KCNT2: variants seen among roughly 807,000 people sequenced by gnomAD.
KCNT2 encodes potassium sodium-activated channel subfamily T member 2.
KCNT2 carries 67 observed loss-of-function variants against 153.8 expected under a neutral mutation model. That is an observed-to-expected ratio of 0.44 (90% CI 0.36 to 0.53). The LOEUF is 0.53. Ranked by LOEUF, KCNT2 falls within the 20% of genes least tolerant of loss-of-function variation. The pLI is 0.00. For missense variants in KCNT2, 975 were observed against 1,354.8 expected (o/e 0.72, Z 4.40); for synonymous variants, 500 against 458.8 (o/e 1.09, Z -1.15).
intron 1 of KCNT2, among the ~76,000 whole-genome samples, chr1:196,492,880 A>G (rs1026800536): frequency 6.6e-6 from 1 of 152,168 alleles, no homozygotes; most frequent in African/African-American, 2.4e-5. Flanking sequence ...GTAACACTTT[A>G]CCTTCCTACT....
intron 13 of KCNT2, among the ~76,000 whole-genome samples, chr1:196,398,211 T>C (rs1018863489): frequency 2.6e-5 from 4 of 151,478 alleles, no homozygotes; most frequent in Non-Finnish European, 5.9e-5. Context: ...ATATCACCCA[T>C]CTATGTGTAA....
At chr1:196,351,080 A>G (rs979197649) in intron 14 of KCNT2, among the ~76,000 whole-genome samples, 1 of 152,178 alleles carries the variant, frequency 6.6e-6, no homozygotes, top group Non-Finnish European at 1.5e-5. Flanking sequence ...TTTTGGTACC[A>G]GTATCATGCT....
intron 4 of KCNT2, among the ~76,000 whole-genome samples, chr1:196,479,586 T>G (rs1284155900): frequency 6.6e-6 from 1 of 152,192 alleles, no homozygotes; most frequent in Non-Finnish European, 1.5e-5. Context: ...TTAAAATTTT[T>G]TTTAAATAGA....
intron 1 of KCNT2, among the ~76,000 whole-genome samples, chr1:196,586,626 C>G (rs768098765): frequency 1.1e-4 from 16 of 151,850 alleles, no homozygotes; most frequent in Non-Finnish European, 2.1e-4. Flanking sequence ...ACATTTTCTA[C>G]TATGAAACAT....
At chr1:196,486,879 A>C (rs749721868) in intron 3 of KCNT2, among the ~76,000 whole-genome samples, 1 of 151,956 alleles carries the variant, frequency 6.6e-6, no homozygotes, top group Non-Finnish European at 1.5e-5. Flanking sequence ...ACACATCCAA[A>C]AACTAGGTGA....
intron 1 of KCNT2, among the ~76,000 whole-genome samples, chr1:196,594,685 G>A (rs1421006152): frequency 2.0e-5 from 3 of 152,178 alleles, no homozygotes; most frequent in Non-Finnish European, 1.5e-5. Context: ...ATTTCAAAAT[G>A]TCATTAATAA....
chr1:196,279,610 A>G (rs1465089428), intron 25 of KCNT2, among the ~76,000 whole-genome samples: 1 of 148,152 alleles, frequency 6.7e-6, no homozygotes, highest in Admixed American at 6.7e-5. Context: ...TTTTTTTTTT[A>G]GTAGAAATGG....
At chr1:196,264,407 T>C (rs1446537471) in intron 25 of KCNT2, among the ~76,000 whole-genome samples, 1 of 152,106 alleles carries the variant, frequency 6.6e-6, no homozygotes, top group African/African-American at 2.4e-5. Context: ...ATTACTTATT[T>C]AGAAATTTAA....
At chr1:196,509,659 GA>G (rs1190605930) in intron 1 of KCNT2, among the ~76,000 whole-genome samples, 1 of 152,156 alleles carries the variant, frequency 6.6e-6, no homozygotes, top group African/African-American at 2.4e-5. Flanking sequence ...TAGCAGTCCA[GA>G]GTTAGACTTC....
At position 196,430,396 on chromosome 1, in the gene KCNT2, CTCTCTCTCTCTT is replaced by C. The variant is rs1197814669; in HGVS notation, c.639-651_639-640del. ...AAGATCGATCTCTCTCTCTCTCTCT[CTCTCTCTCTCTT>C]TCTCTCTCTCTTTCTCTCTCTCTTT... On this transcript the variant is annotated intron_variant, in intron 8 of 27. Transcript: ENST00000294725. 2.0e-3 allele frequency among the ~76,000 whole-genome samples: 296 copies of C among 148,284 alleles called. 1 individual carries two copies. Among genetic ancestry groups the C allele is most frequent in the African/African-American group, 6.4e-3 (247 of 38,868 alleles).
Position 196,308,907 on chromosome 1 carries a change from T to C in KCNT2, c.2484-3562A>G, listed in dbSNP as rs1165565032. Among the ~76,000 whole-genome samples, 3 of 152,048 alleles carry C rather than the reference T, an allele frequency of 2.0e-5. No homozygotes were observed. In the East Asian group the frequency reaches 5.8e-4, roughly 29 times the overall value. On this transcript the variant is annotated intron_variant, in intron 21 of 27. Transcript: ENST00000294725. ...TAACGTTTTATAAATTACTTCAATT[T>C]AGCCTTAATGAATAATTATCAAGTT... is the stretch of plus-strand genomic sequence containing the variant.
chr1:196,376,449 C>G (rs1015231740), intron 13 of KCNT2, among the ~76,000 whole-genome samples: 1 of 151,848 alleles, frequency 6.6e-6, no homozygotes, highest in Non-Finnish European at 1.5e-5. Context: ...AGTGCAGGAA[C>G]TACCACCAAA....
chr1:196,335,518 A>T (rs1349845296), intron 16 of KCNT2, among the ~76,000 whole-genome samples: 1 of 152,172 alleles, frequency 6.6e-6, no homozygotes, highest in Non-Finnish European at 1.5e-5. Flanking sequence ...CAATATAGAA[A>T]ACATACAGTA....
At chr1:196,600,877 A>G (rs2149030019) in intron 1 of KCNT2, among the ~76,000 whole-genome samples, 1 of 152,264 alleles carries the variant, frequency 6.6e-6, no homozygotes, top group Non-Finnish European at 1.5e-5. Flanking sequence ...ATGAGAAGGG[A>G]CTTAAAGTCC....
intron 1 of KCNT2, among the ~76,000 whole-genome samples, chr1:196,604,704 A>G (rs1389214507): frequency 1.3e-5 from 2 of 151,500 alleles, no homozygotes; most frequent in South Asian, 4.1e-4. Flanking sequence ...ATATCTATTC[A>G]TTACATATAT....
intron 1 of KCNT2, among the ~76,000 whole-genome samples, chr1:196,500,660 T>C (rs1045603840): frequency 2.0e-5 from 3 of 152,020 alleles, no homozygotes; most frequent in Non-Finnish European, 4.4e-5. Context: ...AACCAACAAA[T>C]GAAGGCTTGT....
intron 17 of KCNT2, 117 bp from the exon 18 acceptor site, chr1:196,331,378 A>G: frequency 1.5e-6 from 1 of 673,714 alleles, no homozygotes; most frequent in Admixed American, 2.5e-5. Flanking sequence ...TGTTGCAATT[A>G]TATTTTGATA....
chr1:196,478,051 T>C (rs1302033330), intron 5 of KCNT2, among the ~76,000 whole-genome samples: 2 of 152,216 alleles, frequency 1.3e-5, no homozygotes, highest in African/African-American at 2.4e-5. Context: ...CAATATGACT[T>C]CTTTCTTGGT....
chr1:196,458,009 C>A (rs890026016), intron 8 of KCNT2, among the ~76,000 whole-genome samples: 1 of 151,804 alleles, frequency 6.6e-6, no homozygotes, highest in Non-Finnish European at 1.5e-5. Context: ...AGATAACGCA[C>A]GAGACTAAAA....
Sources: allele counts gnomAD v4.1 joint callset (sites outside exome capture counted in the v4.1 genomes callset), GRCh38; gene constraint gnomAD v4.1.1; transcripts MANE v1.5; gene names NCBI Gene and HGNC (gene_info 2026-07-23, HGNC 2026-07-21).